ESRRG: variants seen among roughly 807,000 people sequenced by gnomAD.
ESRRG encodes the protein estrogen-related receptor gamma.
Under a neutral mutation model 44.0 loss-of-function variants are expected in ESRRG, and 13 were observed. The ratio of observed to expected loss-of-function variants is 0.30; its 90% CI spans 0.19 to 0.47. The LOEUF (loss-of-function observed/expected upper bound fraction) is 0.47, where lower values mean the gene tolerates loss of function less well. Among genes scored for constraint, ESRRG ranks in the 20% least tolerant of loss-of-function variants. The pLI is 1.00. For missense variants in ESRRG, 395 were observed against 580.6 expected (o/e 0.68, Z 3.29); for synonymous variants, 215 against 214.6 (o/e 1.00, Z -0.02).
intron 2 of ESRRG, among the ~76,000 whole-genome samples, chr1:216,838,706 A>G (rs1010209201): frequency 1.3e-5 from 2 of 152,220 alleles, no homozygotes; most frequent in East Asian, 1.9e-4. Context: ...AATAAAGTGA[A>G]TATCACAGTC....
intron 1 of ESRRG, among the ~76,000 whole-genome samples, chr1:217,029,034 T>C (rs1046920988): frequency 1.4e-5 from 2 of 147,482 alleles, no homozygotes; most frequent in Admixed American, 1.4e-4. Context: ...CAGCTCAGAG[T>C]TTAAAATGAG....
chr1:216,981,880 C>A (rs936556088), intron 1 of ESRRG, among the ~76,000 whole-genome samples: 4 of 152,160 alleles, frequency 2.6e-5, no homozygotes, highest in Non-Finnish European at 5.9e-5. Context: ...CTGTTCTCAC[C>A]ATGTCATGGC....
intron 5 of ESRRG, among the ~76,000 whole-genome samples, chr1:216,555,925 G>C (rs4846531): frequency 6.6e-6 from 1 of 151,816 alleles, no homozygotes; most frequent in Non-Finnish European, 1.5e-5. Flanking sequence ...GAAAAAGTGC[G>C]ACCAGCCCAC....
chr1:216,676,868 AG>A (rs1186948911), intron 2 of ESRRG, among the ~76,000 whole-genome samples: 1 of 152,240 alleles, frequency 6.6e-6, no homozygotes, highest in East Asian at 1.9e-4. Context: ...AAAGCTTAAC[AG>A]TAAGAGGAAA....
chr1:216,747,310 T>C (rs1035547998), intron 2 of ESRRG, among the ~76,000 whole-genome samples: 5 of 152,194 alleles, frequency 3.3e-5, no homozygotes, highest in African/African-American at 4.8e-5. Context: ...CCTGTGTTTA[T>C]TCTTCTGCCT....
intron 1 of ESRRG, among the ~76,000 whole-genome samples, chr1:216,967,018 T>TA (rs2070539572): frequency 6.6e-6 from 1 of 152,184 alleles, no homozygotes; most frequent in African/African-American, 2.4e-5. Context: ...CTGAGTTTCC[T>TA]AAACAAGAGC....
intron 3 of ESRRG, among the ~76,000 whole-genome samples, chr1:216,591,773 T>C (rs1028372929): frequency 6.6e-6 from 1 of 151,912 alleles, no homozygotes; most frequent in Non-Finnish European, 1.5e-5. Flanking sequence ...AATTTGAGGA[T>C]CAAAATAAAT....
chr1:216,668,680 T>C (rs192703238), intron 2 of ESRRG, among the ~76,000 whole-genome samples: 8 of 152,244 alleles, frequency 5.3e-5, no homozygotes, highest in East Asian at 3.9e-4. Flanking sequence ...TTAATTTACA[T>C]TGATTCTGTT....
chr1:216,862,053 G>A (rs903712624), intron 2 of ESRRG, among the ~76,000 whole-genome samples: 1 of 152,136 alleles, frequency 6.6e-6, no homozygotes, highest in African/African-American at 2.4e-5. Flanking sequence ...AGGATTTGGA[G>A]CAAGTGTAAT....
At chr1:217,060,801 T>C (rs1011310791) in intron 1 of ESRRG, among the ~76,000 whole-genome samples, 1 of 55,990 alleles carries the variant, frequency 1.8e-5, no homozygotes, top group African/African-American at 4.6e-5. Flanking sequence ...GATAGATAGA[T>C]AGATAGATAG....
chr1:216,513,797 G>A (rs928097961), intron 6 of ESRRG, among the ~76,000 whole-genome samples: 15 of 152,064 alleles, frequency 9.9e-5, no homozygotes, highest in African/African-American at 3.6e-4. Flanking sequence ...TTTCCAGGGG[G>A]TTTTTAACTC....
intron 5 of ESRRG, among the ~76,000 whole-genome samples, chr1:216,534,393 T>G (rs970133265): frequency 6.6e-6 from 1 of 152,142 alleles, no homozygotes; most frequent in Admixed American, 6.6e-5. Flanking sequence ...AAGCTAGATA[T>G]ATGAGATGTT....
chr1:217,072,543 C>A (rs2090695397), intron 1 of ESRRG, among the ~76,000 whole-genome samples: 1 of 151,990 alleles, frequency 6.6e-6, no homozygotes, highest in Non-Finnish European at 1.5e-5. Flanking sequence ...TTATTTTAAC[C>A]CCAGCTTTAC....
At chr1:217,019,387 A>C (rs1388740345) in intron 1 of ESRRG, among the ~76,000 whole-genome samples, 1 of 152,132 alleles carries the variant, frequency 6.6e-6, no homozygotes, top group African/African-American at 2.4e-5. Flanking sequence ...CACCACTTCC[A>C]GGGGAGTTAC....
intron 2 of ESRRG, among the ~76,000 whole-genome samples, chr1:216,790,891 G>A (rs945067369): frequency 6.6e-6 from 1 of 152,096 alleles, no homozygotes; most frequent in Non-Finnish European, 1.5e-5. Context: ...TAATGGAAAG[G>A]CCAAGACAAT....
chr1:217,134,940 G>T (rs1183634608), intron 1 of ESRRG, among the ~76,000 whole-genome samples: 1 of 152,210 alleles, frequency 6.6e-6, no homozygotes, highest in Non-Finnish European at 1.5e-5. Context: ...GTGCCGCAGC[G>T]CCCAGTTTAC....
intron 2 of ESRRG, among the ~76,000 whole-genome samples, chr1:216,870,893 CT>C (rs1161208148): frequency 6.6e-6 from 1 of 151,724 alleles, no homozygotes; most frequent in Non-Finnish European, 1.5e-5. Flanking sequence ...CTTTGTCAAT[CT>C]TGCCAGAAAT....
intron 1 of ESRRG, among the ~76,000 whole-genome samples, chr1:217,105,118 C>T (rs952986904): frequency 7.2e-5 from 11 of 152,198 alleles, no homozygotes; most frequent in African/African-American, 2.4e-4. Context: ...TCTATCTGGA[C>T]CCCTAGTCAG....
chr1:216,950,344 A>G (rs977208981), intron 1 of ESRRG, among the ~76,000 whole-genome samples: 3 of 152,220 alleles, frequency 2.0e-5, no homozygotes, highest in African/African-American at 7.2e-5. Context: ...AGGAACACCT[A>G]GATAAATTAG....
Sources: allele counts gnomAD v4.1 joint callset (sites outside exome capture counted in the v4.1 genomes callset), GRCh38; gene constraint gnomAD v4.1.1; transcripts MANE v1.5; gene names NCBI Gene and HGNC (gene_info 2026-07-23, HGNC 2026-07-21).